The following WWOX variants were observed in gnomAD, a reference collection of about 807,000 sequenced individuals.
The protein encoded by WWOX is WW domain containing oxidoreductase, also known as WW domain-containing oxidoreductase.
Under a neutral mutation model 46.2 loss-of-function variants are expected in WWOX, and 69 were observed. That is an observed-to-expected ratio of 1.49 (90% CI 1.23 to 1.82). The LOEUF (loss-of-function observed/expected upper bound fraction) is 1.82, where lower values mean the gene tolerates loss of function less well. Among genes scored for constraint, WWOX ranks in the 40% most tolerant of loss-of-function variants. WWOX has a pLI of 0.00. For missense variants in WWOX, 919 were observed against 542.6 expected (o/e 1.69, Z -6.89); for synonymous variants, 359 against 202.6 (o/e 1.77, Z -6.56).
chr16:78,461,471 G>A (rs1416922951), intron 8 of WWOX, among the ~76,000 whole-genome samples: 3 of 152,242 alleles, frequency 2.0e-5, no homozygotes, highest in African/African-American at 7.2e-5. Context: ...AGTGGAATGT[G>A]TGCATAGGTG....
At chr16:78,702,120 A>ATATATATATATATATATTTATTTATT (rs1207718237) in intron 8 of WWOX, among the ~76,000 whole-genome samples, 33 of 130,016 alleles carry the variant, frequency 2.5e-4, no homozygotes, top group African/African-American at 9.9e-4. Context: ...ATATATATAT[A>ATATATATATATATATATTTATTTATT]TATTTATTTA....
chr16:78,433,846 G>A (rs183554681), intron 8 of WWOX, among the ~76,000 whole-genome samples: 1 of 137,900 alleles, frequency 7.3e-6, no homozygotes, highest in Non-Finnish European at 1.5e-5. Flanking sequence ...CTGGAGTGCA[G>A]TGGCGGGATC....
chr16:78,369,580 G>C (rs929584918), intron 5 of WWOX, among the ~76,000 whole-genome samples: 1 of 152,012 alleles, frequency 6.6e-6, no homozygotes, highest in Non-Finnish European at 1.5e-5. Context: ...TGAGGGGCTG[G>C]ACTGATTTCT....
chr16:78,794,729 A>G (rs1458184196), intron 8 of WWOX, among the ~76,000 whole-genome samples: 1 of 152,222 alleles, frequency 6.6e-6, no homozygotes, highest in Admixed American at 6.5e-5. Context: ...TAGCTCTGCT[A>G]TCAGAGTGAT....
chr16:78,424,638 C>T (rs952324783), intron 6 of WWOX, among the ~76,000 whole-genome samples: 5 of 152,188 alleles, frequency 3.3e-5, no homozygotes, highest in East Asian at 3.9e-4. Context: ...AGCCTCTCAT[C>T]CTCAGCAACG....
intron 8 of WWOX, among the ~76,000 whole-genome samples, chr16:78,817,538 G>C (rs1043660086): frequency 6.6e-6 from 1 of 152,174 alleles, no homozygotes; most frequent in Non-Finnish European, 1.5e-5. Flanking sequence ...CTTCAAATTT[G>C]CCAATCAAAA....
chr16:79,068,980 G>C (rs759328066), intron 8 of WWOX, among the ~76,000 whole-genome samples: 4 of 152,308 alleles, frequency 2.6e-5, no homozygotes, highest in South Asian at 2.1e-4. Flanking sequence ...ACAGGCGTAA[G>C]ATATGCATCT....
intron 8 of WWOX, among the ~76,000 whole-genome samples, chr16:78,681,640 C>T (rs1012018038): frequency 6.6e-6 from 1 of 152,120 alleles, no homozygotes; most frequent in African/African-American, 2.4e-5. Flanking sequence ...TTGAGAGTTC[C>T]TGCTCCTGAT....
intron 8 of WWOX, among the ~76,000 whole-genome samples, chr16:79,115,893 C>G (rs777464953): frequency 1.3e-5 from 2 of 152,150 alleles, no homozygotes; most frequent in Admixed American, 6.5e-5. Context: ...GAATTTTTCT[C>G]TATTTAAAAG....
chr16:78,404,979 C>CT (rs1200425228), intron 6 of WWOX, among the ~76,000 whole-genome samples: 5 of 152,172 alleles, frequency 3.3e-5, no homozygotes, highest in African/African-American at 1.2e-4. Context: ...GATGCATTTT[C>CT]CCTAGAAAAC....
intron 8 of WWOX, among the ~76,000 whole-genome samples, chr16:78,621,251 C>G (rs1467157368): frequency 2.0e-5 from 3 of 152,150 alleles, no homozygotes; most frequent in Non-Finnish European, 4.4e-5. Flanking sequence ...TTGTACTTAA[C>G]TGGCATATCA....
intron 4 of WWOX, among the ~76,000 whole-genome samples, chr16:78,144,272 A>T (rs766703098): frequency 6.6e-6 from 1 of 150,818 alleles, no homozygotes; most frequent in African/African-American, 2.4e-5. Context: ...CATTTATTCT[A>T]TTTAGTCTTC....
chr16:78,266,607 G>A (rs78914341), intron 5 of WWOX, among the ~76,000 whole-genome samples: 16,108 of 152,158 alleles, frequency 0.11, 1,049 homozygotes, highest in Admixed American at 0.14. Flanking sequence ...ACTACCTGTA[G>A]GGATGTAGGT....
rs190962738 is a variant in WWOX at position 78,339,664 on chromosome 16, T to G, written c.517-47196T>G. ...TGTATTTCAGGTTTCAAAATGTTTC[T>G]GTTCCATCCTCATTTTATTCATTGT... On this transcript the variant is annotated intron_variant, in intron 5 of 8. Coordinates refer to ENST00000566780, the MANE Select transcript of WWOX (RefSeq NM_016373.4). Among the ~76,000 whole-genome samples, 32 of 119,974 alleles carry G rather than the reference T, an allele frequency of 2.7e-4. 10 individuals are homozygous for G. The highest frequency in any genetic ancestry group is 5.2e-4 in the Non-Finnish European group (26 of 50,322). The allele number at this position is 119,974 out of a possible 152,430, so 78.7% of individuals were successfully genotyped here.
chr16:78,584,044 C>T (rs1318086135), intron 8 of WWOX, among the ~76,000 whole-genome samples: 2 of 152,272 alleles, frequency 1.3e-5, no homozygotes, highest in South Asian at 2.1e-4. Flanking sequence ...CAACCTGTCC[C>T]TTCTTTTTGT....
intron 8 of WWOX, among the ~76,000 whole-genome samples, chr16:79,069,496 A>G (rs767923113): frequency 2.0e-5 from 3 of 151,914 alleles, no homozygotes; most frequent in Non-Finnish European, 2.9e-5. Context: ...CTAAGAACCG[A>G]CTTATTTATC....
intron 5 of WWOX, among the ~76,000 whole-genome samples, chr16:78,309,307 G>T (rs931433528): frequency 6.6e-6 from 1 of 152,160 alleles, no homozygotes; most frequent in African/African-American, 2.4e-5. Flanking sequence ...TTGTGAACCT[G>T]GTGCTTTGCT....
chr16:78,558,247 A>T (rs541627161), intron 8 of WWOX, among the ~76,000 whole-genome samples: 1 of 152,232 alleles, frequency 6.6e-6, no homozygotes, highest in Admixed American at 6.5e-5. Flanking sequence ...GAAAATTTCT[A>T]GTGCCTGGAG....
intron 8 of WWOX, among the ~76,000 whole-genome samples, chr16:78,884,348 AAAGAC>A (rs1161420981): frequency 1.3e-5 from 2 of 152,080 alleles, no homozygotes; most frequent in South Asian, 4.2e-4. Context: ...ACATTTGCCA[AAAGAC>A]AAGTACAAGA....
Sources: gnomAD v4.1 joint callset for allele counts (sites outside exome capture counted in the v4.1 genomes callset) on GRCh38, gnomAD v4.1.1 for gene constraint, MANE v1.5 for transcripts, NCBI Gene and HGNC (gene_info 2026-07-23, HGNC 2026-07-21) for gene names.